Variants in SMAD7 observed in about 807,000 individuals in gnomAD.
SMAD7 encodes the protein MAD (mothers against decapentaplegic, Drosophila) homolog 7.
In SMAD7, 8 loss-of-function variants were observed where a neutral mutation model predicts 38.7. That is an observed-to-expected ratio of 0.21 (90% CI 0.12 to 0.37). The LOEUF is 0.37. Ranked by LOEUF, SMAD7 falls within the 10% of genes least tolerant of loss-of-function variation. SMAD7 has a pLI of 1.00. For synonymous variants in SMAD7, 327 were observed against 265.1 expected, an observed-to-expected ratio of 1.23 and a Z score of -2.27; for missense variants, 477 against 577.9, an observed-to-expected ratio of 0.83 and a Z score of 1.79.
chr18:48,941,788 GAAC>G (rs1164646655), intron 3 of SMAD7, among the ~76,000 whole-genome samples: 1 of 152,126 alleles, frequency 6.6e-6, no homozygotes, highest in East Asian at 1.9e-4. Flanking sequence ...GCATCCTCAG[GAAC>G]AACAATGCTC....
intron 3 of SMAD7, among the ~76,000 whole-genome samples, chr18:48,938,028 A>G (rs2070091669): frequency 6.6e-6 from 1 of 152,228 alleles, no homozygotes; most frequent in Non-Finnish European, 1.5e-5. Context: ...CACAATTCCA[A>G]GCCAGACAAT....
intron 2 of SMAD7, among the ~76,000 whole-genome samples, chr18:48,945,768 A>G (rs1057299935): frequency 6.6e-6 from 1 of 152,120 alleles, no homozygotes; most frequent in Non-Finnish European, 1.5e-5. Flanking sequence ...AAGGCCAGCC[A>G]TTCCTCAAAC....
chr18:48,948,876 G>C (rs1312771535), intron 1 of SMAD7, among the ~76,000 whole-genome samples: 1 of 152,266 alleles, frequency 6.6e-6, no homozygotes, highest in East Asian at 1.9e-4. Flanking sequence ...GGGGGACACG[G>C]GGCTGCCCAT....
At chr18:48,930,703 T>C (rs2069988614) in intron 3 of SMAD7, among the ~76,000 whole-genome samples, 1 of 122,236 alleles carries the variant, frequency 8.2e-6, no homozygotes. Context: ...CCCCACCGCA[T>C]GCGATCGGTG....
intron 3 of SMAD7, among the ~76,000 whole-genome samples, chr18:48,924,840 G>A (rs1042970953): frequency 1.3e-5 from 2 of 152,168 alleles, no homozygotes; most frequent in African/African-American, 4.8e-5. Flanking sequence ...AACAGCAAAG[G>A]CCCCTCGAAC....
At chr18:48,935,512 G>A (rs1419494814) in intron 3 of SMAD7, among the ~76,000 whole-genome samples, 2 of 152,164 alleles carry the variant, frequency 1.3e-5, no homozygotes, top group African/African-American at 4.8e-5. Flanking sequence ...CTTGGGCAAG[G>A]ACATCACAGG....
At chr18:48,939,660 G>A (rs561026216) in intron 3 of SMAD7, among the ~76,000 whole-genome samples, 2 of 150,188 alleles carry the variant, frequency 1.3e-5, no homozygotes, top group East Asian at 3.9e-4. Context: ...TCCTGCTGCC[G>A]ACCTTCCTCC....
intron 3 of SMAD7, chr18:48,930,087 C>T (rs1452285170): frequency 6.6e-6 from 1 of 152,334 alleles, no homozygotes; most frequent in Admixed American, 6.5e-5. Context: ...GAGCTCCCTC[C>T]CTGGCCCCCC....
intron 2 of SMAD7, among the ~76,000 whole-genome samples, chr18:48,944,637 C>T (rs2070176709): frequency 6.6e-6 from 1 of 152,338 alleles, no homozygotes; most frequent in South Asian, 2.1e-4. Context: ...TCTCACTCCC[C>T]AGGCAGGCTA....
At chr18:48,923,702 C>G (rs1275599750) in intron 3 of SMAD7, among the ~76,000 whole-genome samples, 3 of 152,164 alleles carry the variant, frequency 2.0e-5, no homozygotes, top group Non-Finnish European at 4.4e-5. Context: ...CCCCAACCCC[C>G]ACTAAAAATC....
intron 3 of SMAD7, among the ~76,000 whole-genome samples, chr18:48,939,595 C>T (rs1408763871): frequency 6.6e-6 from 1 of 150,826 alleles, no homozygotes; most frequent in Non-Finnish European, 1.5e-5. Context: ...CACATTTTCA[C>T]ATTCGGCTGT....
At chr18:48,949,356 T>TCC in intron 1 of SMAD7, 1 of 798,768 alleles carries the variant, frequency 1.3e-6, no homozygotes, top group African/African-American at 1.9e-5. Flanking sequence ...ACGGAGACCT[T>TCC]CCAGCCTTTA....
At position 48,921,263 on chromosome 18, in the gene SMAD7, A is replaced by C. The variant is rs571323547; in HGVS notation, c.*109T>G. Reference sequence around the variant, plus strand: ...AAACCAACCAACAAACAAAAAAAAAACGACCAAAGAGTTTGCATGAAAAGC... The same window carrying C: ...AAACCAACCAACAAACAAAAAAAAACCGACCAAAGAGTTTGCATGAAAAGC... On this transcript the variant is annotated 3_prime_UTR_variant, in exon 4 of 4. Coordinates refer to ENST00000262158, the MANE Select transcript of SMAD7 (RefSeq NM_005904.4). This position sits in a 1 kb window ranked among gnomAD's most constrained non-coding sequence, Gnocchi z 6.4. The C allele has an allele frequency of 6.5e-4, 653 of 1,003,834 alleles. 2 individuals are homozygous for C. The African/African-American group carries it at 9.3e-3, about 14-fold the overall frequency. The allele number at this position is 1,003,834 out of a possible 1,614,324, so 62.2% of individuals were successfully genotyped here. A position where few individuals can be genotyped will look rare whatever the true frequency, so the allele number is the denominator to read the frequency against.
rs1259740367 is a variant in SMAD7 at position 48,929,207 on chromosome 18, AC to A, written c.743-7298del. 4.6e-5 allele frequency among the ~76,000 whole-genome samples: 7 copies of A among 152,086 alleles called. No homozygotes were observed. In the East Asian group the frequency reaches 1.4e-3, roughly 29 times the overall value. Reference sequence around the variant, plus strand: ...GTACACCAACCAGGTTCCCACTGTTACCCCCCAAGTAACTCAGAGCAGCTCT... The same window carrying A: ...GTACACCAACCAGGTTCCCACTGTTACCCCCAAGTAACTCAGAGCAGCTCT... On this transcript the variant is annotated intron_variant, in intron 3 of 3. Coordinates refer to ENST00000262158, the MANE Select transcript of SMAD7 (RefSeq NM_005904.4).
chr18:48,928,025 T>C (rs1411264116), intron 3 of SMAD7, among the ~76,000 whole-genome samples: 1 of 152,172 alleles, frequency 6.6e-6, no homozygotes, highest in Non-Finnish European at 1.5e-5. Context: ...CTCTCCAAAG[T>C]GTCCTTCAGA....
intron 3 of SMAD7, among the ~76,000 whole-genome samples, chr18:48,942,170 C>A (rs2070147798): frequency 1.3e-5 from 2 of 152,182 alleles, no homozygotes; most frequent in Admixed American, 6.5e-5. Context: ...CCAAAGTCAC[C>A]AAGCTGAAGC....
intron 2 of SMAD7, among the ~76,000 whole-genome samples, chr18:48,944,651 A>G (rs558691019): frequency 6.6e-6 from 1 of 152,278 alleles, no homozygotes; most frequent in East Asian, 1.9e-4. Context: ...CAGGCTATGG[A>G]GTCCCTACCC....
chr18:48,942,429 G>A (rs1373969524), intron 3 of SMAD7, 52 bp downstream of exon 3: 3 of 1,290,000 alleles, frequency 2.3e-6, no homozygotes, highest in Non-Finnish European at 2.2e-6. Context: ...CCAGTCTTTA[G>A]CAATTTCAAA....
In SMAD7 at chr18:48,948,297, G is replaced by C. The variant is rs982276152; in HGVS notation, c.667+87C>G. 6 of 857,692 alleles carry C rather than the reference G, an allele frequency of 7.0e-6. No homozygotes were observed. In the African/African-American group the frequency reaches 1.1e-4, roughly 15 times the overall value. 53.1% of individuals were successfully genotyped at this position (857,692 alleles called of 1,614,324 possible). A position where few individuals can be genotyped will look rare whatever the true frequency, so the allele number is the denominator to read the frequency against. On this transcript the variant is annotated intron_variant, in intron 2 of 3. Transcript: ENST00000262158. ...AACGTGAAGCCCAGCACCTCCCCAA[G>C]CCTTTGCCTACACACAAAAAGCCAC...
Sources: allele counts gnomAD v4.1 joint callset (sites outside exome capture counted in the v4.1 genomes callset), GRCh38; gene constraint gnomAD v4.1.1; non-coding constraint Gnocchi (gnomAD v3.1); transcripts MANE v1.5; gene names NCBI Gene and HGNC (gene_info 2026-07-23, HGNC 2026-07-21).